The following DLGAP1 variants were observed in gnomAD, a reference collection of about 807,000 sequenced individuals.
The protein encoded by DLGAP1 is disks large-associated protein 1.
In DLGAP1, 11 loss-of-function variants were observed where a neutral mutation model predicts 90.8. That is an observed-to-expected ratio of 0.12 (90% CI 0.08 to 0.20). The LOEUF (loss-of-function observed/expected upper bound fraction) is 0.20, where lower values mean the gene tolerates loss of function less well. DLGAP1 is among the 10% of genes least tolerant of loss of function. The probability of loss-of-function intolerance (pLI) is 1.00; values close to 1 mark genes in which losing one functional copy is unlikely to be tolerated. For synonymous variants in DLGAP1, 558 were observed against 540.7 expected (o/e 1.03, Z -0.44); for missense variants, 1,050 against 1,333.8 (o/e 0.79, Z 3.31).
At chr18:4,447,466 A>G (rs189236784) in intron 1 of DLGAP1, among the ~76,000 whole-genome samples, 1 of 152,294 alleles carries the variant, frequency 6.6e-6, no homozygotes, top group East Asian at 1.9e-4. Context: ...ATAGCAAAGA[A>G]TAAGGAAATG....
intron 3 of DLGAP1, among the ~76,000 whole-genome samples, chr18:3,999,793 T>C (rs2074144707): frequency 6.6e-6 from 1 of 152,148 alleles, no homozygotes; most frequent in Non-Finnish European, 1.5e-5. Context: ...ATGTGTTCTC[T>C]CTCTCTCATT....
chr18:4,017,815 C>G (rs1227937180), intron 2 of DLGAP1, among the ~76,000 whole-genome samples: 2 of 151,824 alleles, frequency 1.3e-5, no homozygotes, highest in Non-Finnish European at 2.9e-5. Flanking sequence ...ATTAGTGAAA[C>G]AATCTACCAG....
chr18:3,835,768 T>A (rs1346566697), intron 4 of DLGAP1, among the ~76,000 whole-genome samples: 1 of 152,140 alleles, frequency 6.6e-6, no homozygotes, highest in Non-Finnish European at 1.5e-5. Flanking sequence ...ATTTGATGAT[T>A]ATAATTAATT....
At position 3,534,326 on chromosome 18, in the gene DLGAP1, C is replaced by G. The variant is rs781178860; in HGVS notation, c.2347G>C (p.Ala783Pro). 1 of 1,614,200 alleles carries G rather than the reference C, an allele frequency of 6.2e-7. No homozygotes were observed. The highest frequency in any genetic ancestry group is 8.5e-7 in the Non-Finnish European group (1 of 1,180,032). The change falls in exon 10 of 13, where the codon GCC becomes CCC. Residue 783 changes from alanine (A) to proline (P), a missense_variant. Ala to Pro is a conservative substitution (Grantham distance 27, BLOSUM62 -1). Transcript: ENST00000315677. ...IDSITEDPLEAVQRSVCHRDG... is the reference protein window; with the variant it reads ...IDSITEDPLEPVQRSVCHRDG... ...CGGTGGCACACTGACCTTTGCACGG[C>G]CTCCAGAGGGTCTTCAGTGATAGAG... is the stretch of plus-strand genomic sequence containing the variant.
intron 7 of DLGAP1, among the ~76,000 whole-genome samples, chr18:3,630,042 T>C (rs1156819838): frequency 2.0e-5 from 3 of 152,202 alleles, no homozygotes; most frequent in African/African-American, 7.2e-5. Context: ...TGGTTAATTT[T>C]ATGTGTCAAC....
chr18:4,231,710 T>G (rs962234776), intron 1 of DLGAP1, among the ~76,000 whole-genome samples: 1 of 152,206 alleles, frequency 6.6e-6, no homozygotes, highest in South Asian at 2.1e-4. Flanking sequence ...TTCTTTATTT[T>G]AAAAACTTTC....
chr18:4,084,486 C>T lies in DLGAP1; in HGVS notation c.-159+66694G>A, dbSNP rs993266716. Among the ~76,000 whole-genome samples, 4 of 152,172 alleles carry T rather than the reference C, an allele frequency of 2.6e-5. No homozygotes were observed. The highest frequency in any genetic ancestry group is 4.4e-5 in the Non-Finnish European group (3 of 68,014). On this transcript the variant is annotated intron_variant, in intron 2 of 12. Coordinates refer to ENST00000315677, the MANE Select transcript of DLGAP1 (RefSeq NM_004746.4). The surrounding 1 kb of genome is among the most constrained non-coding windows in gnomAD (Gnocchi z 4.0). ...AGCAGGAAAGTCTCTCTGACCTTCT[C>T]CTACCCCTTTCTCTTTCTCTCCTAT...
At chr18:3,649,804 A>C (rs1481798689) in intron 7 of DLGAP1, among the ~76,000 whole-genome samples, 1 of 152,150 alleles carries the variant, frequency 6.6e-6, no homozygotes, top group African/African-American at 2.4e-5. Context: ...TTAAAAAAAA[A>C]AGTAAAAAGA....
intron 1 of DLGAP1, among the ~76,000 whole-genome samples, chr18:4,304,855 C>T (rs1283739806): frequency 6.6e-6 from 1 of 151,478 alleles, no homozygotes; most frequent in Non-Finnish European, 1.5e-5. Context: ...CGCTTGAACC[C>T]AGGAGGCGGA....
At chr18:3,790,955 ATGGAGGCTAC>A (rs1452718321) in intron 5 of DLGAP1, among the ~76,000 whole-genome samples, 1 of 152,222 alleles carries the variant, frequency 6.6e-6, no homozygotes, top group African/African-American at 2.4e-5. Flanking sequence ...ACAGACAAAC[ATGGAGGCTAC>A]TTTCGCTTCA....
intron 2 of DLGAP1, among the ~76,000 whole-genome samples, chr18:4,110,287 G>C (rs2075950223): frequency 6.6e-6 from 1 of 152,092 alleles, no homozygotes; most frequent in Non-Finnish European, 1.5e-5. Flanking sequence ...TTGAAACAAA[G>C]AAAAAGTACA....
chr18:4,061,103 C>A (rs2075291933), intron 2 of DLGAP1, among the ~76,000 whole-genome samples: 1 of 152,158 alleles, frequency 6.6e-6, no homozygotes. Flanking sequence ...CTAGTCTTCA[C>A]ACCTAATACA....
chr18:4,061,792 A>G (rs1378063225), intron 2 of DLGAP1, among the ~76,000 whole-genome samples: 1 of 152,178 alleles, frequency 6.6e-6, no homozygotes, highest in South Asian at 2.1e-4. Flanking sequence ...CCACAGAGGT[A>G]ACAAATTTTC....
intron 1 of DLGAP1, among the ~76,000 whole-genome samples, chr18:4,332,421 TAAC>T (rs1403052908): frequency 2.0e-5 from 3 of 151,920 alleles, no homozygotes; most frequent in Admixed American, 6.6e-5. Context: ...AAAAGAGTAA[TAAC>T]AAGGTTTTTT....
intron 2 of DLGAP1, among the ~76,000 whole-genome samples, chr18:4,055,430 C>T (rs1233632485): frequency 6.6e-6 from 1 of 152,156 alleles, no homozygotes; most frequent in East Asian, 1.9e-4. Context: ...CCTCACTGTC[C>T]TCCCATGCTC....
chr18:3,669,252 A>G (rs1220303967), intron 7 of DLGAP1, among the ~76,000 whole-genome samples: 1 of 152,050 alleles, frequency 6.6e-6, no homozygotes, highest in Non-Finnish European at 1.5e-5. Flanking sequence ...GGAAGGGAAG[A>G]GCGTGATGCC....
At chr18:3,924,685 A>G (rs2072342465) in intron 3 of DLGAP1, among the ~76,000 whole-genome samples, 1 of 152,116 alleles carries the variant, frequency 6.6e-6, no homozygotes, top group Admixed American at 6.5e-5. Context: ...ATGCAGCCAA[A>G]TCTGTTTCCA....
intron 1 of DLGAP1, among the ~76,000 whole-genome samples, chr18:4,387,930 TACACACACACACACAC>T (rs1171436413): frequency 8.1e-6 from 1 of 123,258 alleles, no homozygotes; most frequent in African/African-American, 3.1e-5. Flanking sequence ...CCATCACACA[TACACACACACACACAC>T]ACACACACAC....
intron 1 of DLGAP1, among the ~76,000 whole-genome samples, chr18:4,305,872 C>G (rs150178007): frequency 2.0e-4 from 31 of 151,530 alleles, no homozygotes; most frequent in African/African-American, 7.3e-4. Context: ...AGTGTGGAAC[C>G]TGGGAAAACA....
Sources: allele counts gnomAD v4.1 joint callset (sites outside exome capture counted in the v4.1 genomes callset), GRCh38; gene constraint gnomAD v4.1.1; non-coding constraint Gnocchi (gnomAD v3.1); transcripts MANE v1.5; gene names NCBI Gene and HGNC (gene_info 2026-07-23, HGNC 2026-07-21).